The following WWOX variants were observed in gnomAD, a reference collection of about 807,000 sequenced individuals.
The protein encoded by WWOX is WW domain containing oxidoreductase.
WWOX carries 69 observed loss-of-function variants against 46.2 expected under a neutral mutation model. The ratio of observed to expected loss-of-function variants is 1.49; its 90% CI spans 1.23 to 1.82. WWOX has a LOEUF of 1.82. Ranked by LOEUF, WWOX falls within the 40% of genes most tolerant of loss-of-function variation. WWOX has a pLI of 0.00. For missense variants in WWOX, 919 were observed against 542.6 expected, an observed-to-expected ratio of 1.69 and a Z score of -6.89; for synonymous variants, 359 against 202.6, an observed-to-expected ratio of 1.77 and a Z score of -6.56.
intron 8 of WWOX, among the ~76,000 whole-genome samples, chr16:78,481,762 TGTGC>T (rs1254142248): frequency 8.1e-5 from 12 of 147,272 alleles, no homozygotes; most frequent in African/African-American, 2.6e-4. Flanking sequence ...TGTGTGTGTG[TGTGC>T]GCGCGCCTGC....
At chr16:78,433,199 G>C (rs1039562766) in intron 8 of WWOX, among the ~76,000 whole-genome samples, 1 of 152,096 alleles carries the variant, frequency 6.6e-6, no homozygotes, top group Non-Finnish European at 1.5e-5. Context: ...TGTATCTTTT[G>C]TTCTAAATTT....
chr16:78,777,532 C>G (rs1481900299), intron 8 of WWOX, among the ~76,000 whole-genome samples: 1 of 152,082 alleles, frequency 6.6e-6, no homozygotes, highest in Non-Finnish European at 1.5e-5. Flanking sequence ...GCCCCTGGTC[C>G]TACTGAGTGG....
chr16:78,844,633 C>G (rs1386098159), intron 8 of WWOX, among the ~76,000 whole-genome samples: 2 of 152,038 alleles, frequency 1.3e-5, no homozygotes, highest in Non-Finnish European at 2.9e-5. Context: ...ATCATACAGT[C>G]AAATAATTTC....
intron 4 of WWOX, among the ~76,000 whole-genome samples, chr16:78,148,714 G>A (rs1416317303): frequency 6.6e-6 from 1 of 151,708 alleles, no homozygotes; most frequent in Non-Finnish European, 1.5e-5. Flanking sequence ...TGGCTAACAC[G>A]GTGAAACCCC....
At chr16:78,391,692 A>G (rs1179818474) in intron 6 of WWOX, among the ~76,000 whole-genome samples, 1 of 152,180 alleles carries the variant, frequency 6.6e-6, no homozygotes, top group Non-Finnish European at 1.5e-5. Flanking sequence ...TACTAAAAAT[A>G]CAAAAATTAG....
rs1567636451 is a variant in WWOX at position 78,548,174 on chromosome 16, AAAAAT to A, written c.1056+115423_1056+115427del. Among the ~76,000 whole-genome samples the A allele has an allele frequency of 6.8e-5, 4 of 58,670 alleles. 1 individual carries two copies. The highest frequency in any genetic ancestry group is 4.9e-4 in the Admixed American group (2 of 4,078). The allele number at this position is 58,670 out of a possible 152,430, so 38.5% of individuals were successfully genotyped here. A position where few individuals can be genotyped will look rare whatever the true frequency, so the allele number is the denominator to read the frequency against. On this transcript the variant is annotated intron_variant, in intron 8 of 8. Transcript: ENST00000566780. ...TCTCAAAAAAAAAAAAAAAAAAAAA[AAAAAT>A]TACGAATTTTGCGAGGACGCAAACA... is the stretch of plus-strand genomic sequence containing the variant.
intron 8 of WWOX, among the ~76,000 whole-genome samples, chr16:78,963,147 A>G (rs898261188): frequency 3.3e-5 from 5 of 152,056 alleles, no homozygotes; most frequent in Non-Finnish European, 4.4e-5. Context: ...CCTCTTGTCT[A>G]TCCATCAGTC....
At chr16:78,755,470 G>C (rs1169129232) in intron 8 of WWOX, among the ~76,000 whole-genome samples, 1 of 152,180 alleles carries the variant, frequency 6.6e-6, no homozygotes. Flanking sequence ...AAGGCTGCAT[G>C]ATGATGAGGG....
At chr16:79,175,339 A>G (rs1427790855) in intron 8 of WWOX, among the ~76,000 whole-genome samples, 1 of 152,194 alleles carries the variant, frequency 6.6e-6, no homozygotes, top group African/African-American at 2.4e-5. Flanking sequence ...CTTTTCACTT[A>G]CTGTAAGGTA....
chr16:78,864,817 C>T (rs1402478128), intron 8 of WWOX, among the ~76,000 whole-genome samples: 3 of 126,030 alleles, frequency 2.4e-5, no homozygotes, highest in East Asian at 5.0e-4. Context: ...GGCTGGAGTG[C>T]AGTGGTGTGA....
chr16:78,526,167 C>G (rs1388743356), intron 8 of WWOX: 1 of 152,244 alleles, frequency 6.6e-6, no homozygotes, highest in Non-Finnish European at 1.5e-5. Context: ...CGAGGAAGGG[C>G]TTCAGTTTCA....
At chr16:79,207,769 A>G (rs2051567951) in intron 8 of WWOX, among the ~76,000 whole-genome samples, 1 of 144,762 alleles carries the variant, frequency 6.9e-6, no homozygotes, top group Non-Finnish European at 1.5e-5. Flanking sequence ...AATGCATTAC[A>G]AATATCAATA....
chr16:78,102,893 T>C lies in WWOX; in HGVS notation c.107+3008T>C, dbSNP rs1597196759. ...CCGCAGGCTTCTGTGGGTGGGTGGG[T>C]GGTGCACTGGGCCCCAGAGTACAAA... is the stretch of plus-strand genomic sequence containing the variant. On this transcript the variant is annotated intron_variant, in intron 1 of 8. Transcript: ENST00000566780. Among the ~76,000 whole-genome samples the C allele has an allele frequency of 2.0e-5, 3 of 152,214 alleles. No homozygotes were observed. In the South Asian group the frequency reaches 6.2e-4, roughly 32 times the overall value.
At chr16:79,191,495 A>T (rs1237159594) in intron 8 of WWOX, among the ~76,000 whole-genome samples, 1 of 152,170 alleles carries the variant, frequency 6.6e-6, no homozygotes, top group East Asian at 1.9e-4. Context: ...CTGCACAAAG[A>T]ATGGGCTGTC....
intron 8 of WWOX, among the ~76,000 whole-genome samples, chr16:78,720,114 G>T (rs533323235): frequency 2.8e-4 from 42 of 152,236 alleles, no homozygotes; most frequent in African/African-American, 9.4e-4. Context: ...CCTCACTCTT[G>T]CTTCTTGGTC....
chr16:78,916,356 C>T (rs751466402), intron 8 of WWOX, among the ~76,000 whole-genome samples: 32 of 152,096 alleles, frequency 2.1e-4, no homozygotes, highest in South Asian at 8.3e-4. Flanking sequence ...GAAGCTCGTT[C>T]GACAGCTGTA....
chr16:79,037,328 G>T (rs1567505700), intron 8 of WWOX, among the ~76,000 whole-genome samples: 1 of 152,184 alleles, frequency 6.6e-6, no homozygotes, highest in African/African-American at 2.4e-5. Context: ...GAATGGTTTT[G>T]ATTCTCAAGT....
chr16:78,424,662 C>A (rs1046659311), intron 6 of WWOX, among the ~76,000 whole-genome samples: 1 of 152,150 alleles, frequency 6.6e-6, no homozygotes, highest in African/African-American at 2.4e-5. Context: ...GACAGTTGCC[C>A]ACTCAAAGCC....
At chr16:78,679,532 C>A (rs1351085461) in intron 8 of WWOX, among the ~76,000 whole-genome samples, 1 of 152,084 alleles carries the variant, frequency 6.6e-6, no homozygotes, top group Non-Finnish European at 1.5e-5. Context: ...GCCTGGGTGA[C>A]AGAGTGAGAC....
Sources: allele counts gnomAD v4.1 joint callset (sites outside exome capture counted in the v4.1 genomes callset), GRCh38; gene constraint gnomAD v4.1.1; transcripts MANE v1.5; gene names NCBI Gene and HGNC (gene_info 2026-07-23, HGNC 2026-07-21).